The following UNC13C variants were observed in gnomAD, a reference collection of about 807,000 sequenced individuals.
UNC13C encodes the protein protein unc-13 homolog C.
Under a neutral mutation model 245.4 loss-of-function variants are expected in UNC13C, and 174 were observed. That is an observed-to-expected ratio of 0.71 (90% CI 0.63 to 0.80). UNC13C has a LOEUF of 0.80. Among genes scored for constraint, UNC13C ranks in the 30% least tolerant of loss-of-function variants. UNC13C has a pLI of 0.00. For missense variants in UNC13C, 2,829 were observed against 2,602.9 expected (o/e 1.09, Z -1.89); for synonymous variants, 992 against 895.1 (o/e 1.11, Z -1.93).
chr15:54,011,930 G>T (rs1281288515), intron 1 of UNC13C, among the ~76,000 whole-genome samples: 2 of 152,160 alleles, frequency 1.3e-5, no homozygotes, highest in Non-Finnish European at 2.9e-5. Flanking sequence ...GAATTAAGTA[G>T]ATTATCTTCC....
chr15:54,298,341 C>T (rs1203416761), intron 12 of UNC13C, among the ~76,000 whole-genome samples: 6 of 152,016 alleles, frequency 3.9e-5, no homozygotes, highest in East Asian at 1.9e-4. Flanking sequence ...TTGAGAACTC[C>T]GAGTTAGAGT....
intron 4 of UNC13C, among the ~76,000 whole-genome samples, chr15:54,222,144 A>G (rs1293322067): frequency 2.6e-5 from 4 of 152,190 alleles, no homozygotes; most frequent in East Asian, 3.9e-4. Context: ...TAAATGTACA[A>G]TAAATTATTG....
rs1900588269 is a variant in UNC13C, at chr15:54,618,530, G to A, written c.6107-3797G>A. ...TCCATAGGAAATGGAAATATAGGCT[G>A]CCTTTTTGAGCAAATAACTAGTCAA... On this transcript the variant is annotated intron_variant, in intron 30 of 32. Coordinates refer to ENST00000260323, the MANE Select transcript of UNC13C (RefSeq NM_001080534.3). Among the ~76,000 whole-genome samples the A allele has an allele frequency of 2.0e-5, 3 of 151,758 alleles. No individual in the cohort carries two copies. In the East Asian group the frequency reaches 5.8e-4, roughly 29 times the overall value.
At chr15:54,380,032 A>G (rs1292412793) in intron 17 of UNC13C, among the ~76,000 whole-genome samples, 4 of 152,114 alleles carry the variant, frequency 2.6e-5, no homozygotes, top group Non-Finnish European at 2.9e-5. Context: ...CTAGAATACA[A>G]TATACTGTTA....
intron 24 of UNC13C, among the ~76,000 whole-genome samples, chr15:54,520,027 C>A (rs764150619): frequency 6.6e-6 from 1 of 152,106 alleles, no homozygotes; most frequent in Non-Finnish European, 1.5e-5. Flanking sequence ...TTGCTTGAAG[C>A]AATTCCCTGG....
intron 18 of UNC13C, among the ~76,000 whole-genome samples, chr15:54,396,365 T>C (rs937462588): frequency 1.3e-5 from 2 of 151,734 alleles, no homozygotes; most frequent in African/African-American, 4.8e-5. Flanking sequence ...CTCCATTCTT[T>C]TGTCTGGCTG....
intron 17 of UNC13C, among the ~76,000 whole-genome samples, chr15:54,386,066 T>G (rs958437111): frequency 1.3e-5 from 2 of 152,116 alleles, no homozygotes; most frequent in African/African-American, 4.8e-5. Flanking sequence ...TAACACAAAA[T>G]AAAAGTTAGC....
At chr15:53,990,586 A>G (rs1332056362) in intron 1 of UNC13C, among the ~76,000 whole-genome samples, 1 of 151,812 alleles carries the variant, frequency 6.6e-6, no homozygotes, top group African/African-American at 2.4e-5. Flanking sequence ...CCTATCTCAA[A>G]CCCCCTTCCA....
chr15:53,917,761 A>G, the UNC13C span, among the ~76,000 whole-genome samples: 1 of 152,212 alleles, frequency 6.6e-6, no homozygotes, highest in Non-Finnish European at 1.5e-5. Flanking sequence ...AAGTAAAACC[A>G]GTATTTTAGG....
At chr15:54,359,633 G>C (rs1424405663) in intron 17 of UNC13C, among the ~76,000 whole-genome samples, 4 of 151,680 alleles carry the variant, frequency 2.6e-5, no homozygotes, top group Non-Finnish European at 4.4e-5. Context: ...GCATATAATT[G>C]TTCACAATAT....
the UNC13C span, among the ~76,000 whole-genome samples, chr15:53,929,228 TC>T: frequency 1.3e-5 from 2 of 152,108 alleles, no homozygotes; most frequent in Non-Finnish European, 2.9e-5. Context: ...TTATTCACTA[TC>T]AAAAGAACAG....
chr15:53,973,215 C>T (rs765466052), upstream of UNC13C, among the ~76,000 whole-genome samples: 1 of 151,958 alleles, frequency 6.6e-6, no homozygotes, highest in Non-Finnish European at 1.5e-5. Context: ...AACATTTACT[C>T]CTCTGGAAAC....
chr15:54,562,767 A>G (rs1466508261), intron 29 of UNC13C, among the ~76,000 whole-genome samples: 1 of 152,040 alleles, frequency 6.6e-6, no homozygotes, highest in Non-Finnish European at 1.5e-5. Context: ...ATTGAATAAC[A>G]TGCCTTGTAG....
chr15:54,426,751 C>G (rs752167342), intron 19 of UNC13C, among the ~76,000 whole-genome samples: 2 of 151,744 alleles, frequency 1.3e-5, no homozygotes, highest in African/African-American at 2.4e-5. Flanking sequence ...AAATCTGTCT[C>G]CATTACTTAC....
chr15:54,009,481 A>G (rs1326394826), intron 1 of UNC13C, among the ~76,000 whole-genome samples: 1 of 152,076 alleles, frequency 6.6e-6, no homozygotes, highest in East Asian at 1.9e-4. Context: ...AGGAAATGCT[A>G]TTTCTGTCCC....
At chr15:54,423,133 CAT>C (rs1263785428) in intron 19 of UNC13C, among the ~76,000 whole-genome samples, 2 of 151,528 alleles carry the variant, frequency 1.3e-5, no homozygotes, top group Non-Finnish European at 2.9e-5. Context: ...ACATATATGA[CAT>C]ATTGCATATA....
At chr15:53,855,804 A>G in the UNC13C span, among the ~76,000 whole-genome samples, 1 of 152,208 alleles carries the variant, frequency 6.6e-6, no homozygotes, top group African/African-American at 2.4e-5. Flanking sequence ...TCCTGGCCTC[A>G]TAGAATGAGT....
intron 4 of UNC13C, among the ~76,000 whole-genome samples, chr15:54,198,694 C>A (rs574731920): frequency 1.3e-5 from 2 of 152,124 alleles, no homozygotes; most frequent in Admixed American, 1.3e-4. Context: ...CTCCGTGGGA[C>A]AAAAGATCTG....
At chr15:54,607,264 C>A (rs1246757156) in intron 30 of UNC13C, among the ~76,000 whole-genome samples, 3 of 152,210 alleles carry the variant, frequency 2.0e-5, no homozygotes, top group East Asian at 3.9e-4. Context: ...CCAGTGAGAA[C>A]CAAGCCACAG....
Sources: allele counts gnomAD v4.1 joint callset (sites outside exome capture counted in the v4.1 genomes callset), GRCh38; gene constraint gnomAD v4.1.1; transcripts MANE v1.5; gene names NCBI Gene and HGNC (gene_info 2026-07-23, HGNC 2026-07-21).